The following DGKI variants were observed in gnomAD, a reference collection of about 807,000 sequenced individuals.
The protein encoded by DGKI is diacylglycerol kinase iota, also known as DAG kinase iota.
Under a neutral mutation model 147.5 loss-of-function variants are expected in DGKI, and 55 were observed. That is an observed-to-expected ratio of 0.37 (90% CI 0.30 to 0.47). DGKI has a LOEUF of 0.47. DGKI is among the 20% of genes least tolerant of loss of function. DGKI has a pLI of 1.00. For synonymous variants in DGKI, 469 were observed against 477.1 expected, an observed-to-expected ratio of 0.98 and a Z score of 0.22; for missense variants, 1,007 against 1,323.8, an observed-to-expected ratio of 0.76 and a Z score of 3.71.
chr7:137,399,697 G>A (rs187880926), intron 30 of DGKI, among the ~76,000 whole-genome samples: 1 of 152,150 alleles, frequency 6.6e-6, no homozygotes, highest in African/African-American at 2.4e-5. Context: ...ATCATTTGAG[G>A]TCAGGAATTC....
At chr7:137,828,403 A>G (rs1440182944) in intron 1 of DGKI, among the ~76,000 whole-genome samples, 1 of 152,238 alleles carries the variant, frequency 6.6e-6, no homozygotes, top group Non-Finnish European at 1.5e-5. Flanking sequence ...AACAGGTGAG[A>G]AAACCCCAAT....
At chr7:137,841,487 G>A (rs1253457317) in intron 1 of DGKI, among the ~76,000 whole-genome samples, 1 of 152,130 alleles carries the variant, frequency 6.6e-6, no homozygotes, top group African/African-American at 2.4e-5. Flanking sequence ...AAGCTCACAT[G>A]CCATCATTTA....
At chr7:137,707,816 T>G (rs573771992) in intron 1 of DGKI, among the ~76,000 whole-genome samples, 2 of 152,308 alleles carry the variant, frequency 1.3e-5, no homozygotes, top group Admixed American at 6.5e-5. Flanking sequence ...TATAGCAAAG[T>G]GAGAACAGAC....
intron 23 of DGKI, among the ~76,000 whole-genome samples, chr7:137,472,320 T>TATGTATATACATATAA (rs57953468): frequency 8.1e-4 from 10 of 12,292 alleles, no homozygotes; most frequent in African/African-American, 1.7e-3. Flanking sequence ...ATACATATAA[T>TATGTATATACATATAA]TATTATATGT....
chr7:137,825,770 G>A (rs982107337), intron 1 of DGKI, among the ~76,000 whole-genome samples: 5 of 151,986 alleles, frequency 3.3e-5, no homozygotes, highest in African/African-American at 4.8e-5. Context: ...ATGGATGGAC[G>A]GTGACACAGT....
At chr7:137,493,076 C>T (rs942341589) in intron 21 of DGKI, among the ~76,000 whole-genome samples, 2 of 152,180 alleles carry the variant, frequency 1.3e-5, no homozygotes, top group Non-Finnish European at 2.9e-5. Flanking sequence ...CCCTTCCCTG[C>T]TGGGACGTAT....
At chr7:137,547,387 A>G (rs771955880) in intron 20 of DGKI, among the ~76,000 whole-genome samples, 1 of 152,230 alleles carries the variant, frequency 6.6e-6, no homozygotes, top group Non-Finnish European at 1.5e-5. Flanking sequence ...TTCCTTTTGC[A>G]TAAATGAAGA....
intron 23 of DGKI, among the ~76,000 whole-genome samples, chr7:137,476,529 T>C (rs1348898484): frequency 1.3e-5 from 2 of 152,202 alleles, no homozygotes; most frequent in Non-Finnish European, 2.9e-5. Context: ...TGTTCAAGTC[T>C]CACATAGTCA....
intron 17 of DGKI, among the ~76,000 whole-genome samples, chr7:137,574,242 T>C (rs1818893511): frequency 6.6e-6 from 1 of 152,200 alleles, no homozygotes; most frequent in Non-Finnish European, 1.5e-5. Context: ...AAACAAATTA[T>C]TTTCAAATAT....
At chr7:137,573,342 T>C (rs770108527) in intron 17 of DGKI, among the ~76,000 whole-genome samples, 72 of 152,246 alleles carry the variant, frequency 4.7e-4, no homozygotes, top group Admixed American at 1.3e-3. Flanking sequence ...GAAGACTTTT[T>C]AAAAAGTCTA....
At chr7:137,647,249 T>C (rs1022311347) in intron 5 of DGKI, among the ~76,000 whole-genome samples, 1 of 152,220 alleles carries the variant, frequency 6.6e-6, no homozygotes, top group Non-Finnish European at 1.5e-5. Context: ...TAAAATCCTA[T>C]GAGTTGTTGA....
intron 1 of DGKI, among the ~76,000 whole-genome samples, chr7:137,720,080 G>A (rs1326026973): frequency 6.6e-6 from 1 of 152,070 alleles, no homozygotes; most frequent in African/African-American, 2.4e-5. Context: ...TCATTTTGCA[G>A]ACGATTCTCA....
intron 3 of DGKI, among the ~76,000 whole-genome samples, chr7:137,666,045 G>C (rs1254482821): frequency 2.6e-5 from 4 of 152,290 alleles, no homozygotes; most frequent in South Asian, 2.1e-4. Flanking sequence ...TTGAGCACTG[G>C]ATTAAGTTTG....
chr7:137,573,647 C>T (rs1023844834), intron 17 of DGKI, among the ~76,000 whole-genome samples: 1 of 152,220 alleles, frequency 6.6e-6, no homozygotes, highest in African/African-American at 2.4e-5. Context: ...TCAGGTCATC[C>T]ACCCGCCTTG....
At chr7:137,602,847 A>G (rs1302822294) in intron 10 of DGKI, among the ~76,000 whole-genome samples, 1 of 152,168 alleles carries the variant, frequency 6.6e-6, no homozygotes, top group Non-Finnish European at 1.5e-5. Context: ...TATAATGCCA[A>G]ACATAAAAAC....
intron 2 of DGKI, among the ~76,000 whole-genome samples, chr7:137,684,936 C>T (rs73152511): frequency 8.3e-4 from 126 of 152,224 alleles, no homozygotes; most frequent in Non-Finnish European, 1.3e-3. Context: ...CGAGCACGCA[C>T]GCACAAACAC....
At chr7:137,722,975 G>C in intron 1 of DGKI, 1 of 561,742 alleles carries the variant, frequency 1.8e-6, no homozygotes. Flanking sequence ...CCTATCCTGA[G>C]ATAAATGAAT....
rs114595556 is a variant in DGKI at position 137,431,492 on chromosome 7, G to T, written c.2761+12585C>A. Among the ~76,000 whole-genome samples, 739 of 152,224 alleles carry T rather than the reference G, an allele frequency of 4.9e-3. 6 individuals carry two copies. The highest frequency in any genetic ancestry group is 0.017 in the African/African-American group (707 of 41,520). On this transcript the variant is annotated intron_variant, in intron 28 of 32. Transcript: ENST00000614521. ...TGCAATATTTATACACTTGCAAAGT[G>T]GATTTTAGTGTTTTTCAAAAAGTGG...
chr7:137,509,445 C>T (rs1737781882), intron 21 of DGKI, among the ~76,000 whole-genome samples: 2 of 152,042 alleles, frequency 1.3e-5, no homozygotes, highest in African/African-American at 4.8e-5. Context: ...TCCTCTGTGG[C>T]CAGTTGGATG....
Sources: allele counts gnomAD v4.1 joint callset (sites outside exome capture counted in the v4.1 genomes callset), GRCh38; gene constraint gnomAD v4.1.1; transcripts MANE v1.5; gene names NCBI Gene and HGNC (gene_info 2026-07-23, HGNC 2026-07-21).